KCNH1: variants seen among roughly 807,000 people sequenced by gnomAD.
KCNH1 encodes the protein potassium voltage-gated channel subfamily H member 1, also known as voltage-gated delayed rectifier potassium channel KCNH1.
KCNH1 carries 27 observed loss-of-function variants against 69.2 expected under a neutral mutation model. The observed-to-expected ratio is 0.39, with a 90% CI of 0.29 to 0.54. The LOEUF is 0.54. Ranked by LOEUF, KCNH1 falls within the 20% of genes least tolerant of loss-of-function variation. The pLI is 0.68. For synonymous variants in KCNH1, 456 were observed against 487.7 expected (o/e 0.93, Z 0.86); for missense variants, 798 against 1,261.6 (o/e 0.63, Z 5.57).
chr1:210,795,533 G>C (rs1368833268), intron 9 of KCNH1, among the ~76,000 whole-genome samples: 1 of 152,110 alleles, frequency 6.6e-6, no homozygotes, highest in Non-Finnish European at 1.5e-5. Context: ...GTTAACCTAA[G>C]CCAAATGTAA....
At chr1:211,032,018 T>C in intron 5 of KCNH1, among the ~76,000 whole-genome samples, 1 of 152,208 alleles carries the variant, frequency 6.6e-6, no homozygotes, top group Non-Finnish European at 1.5e-5. Flanking sequence ...AACCTCATCA[T>C]CTCAGCCCAA....
intron 1 of KCNH1, among the ~76,000 whole-genome samples, chr1:211,120,190 A>AT (rs112118539): frequency 0.037 from 5,186 of 141,278 alleles, 145 homozygotes; most frequent in Admixed American, 0.081. Context: ...ATATATATAC[A>AT]TTTTTTTTTT....
At chr1:210,690,247 G>C (rs1398341961) in intron 10 of KCNH1, among the ~76,000 whole-genome samples, 1 of 151,684 alleles carries the variant, frequency 6.6e-6, no homozygotes, top group Non-Finnish European at 1.5e-5. Context: ...GTCTAGAGTT[G>C]GGGTACACAA....
chr1:210,946,585 A>G (rs1243996723), intron 6 of KCNH1, among the ~76,000 whole-genome samples: 2 of 152,158 alleles, frequency 1.3e-5, no homozygotes, highest in Non-Finnish European at 2.9e-5. Context: ...CACATCTCAC[A>G]ATAAACAAGG....
At chr1:210,972,707 G>A (rs963737905) in intron 6 of KCNH1, among the ~76,000 whole-genome samples, 2 of 152,046 alleles carry the variant, frequency 1.3e-5, no homozygotes, top group Admixed American at 1.3e-4. Flanking sequence ...ACTGGAAAAA[G>A]TCTATATCTA....
At chr1:211,100,297 G>A (rs1246533777) in intron 3 of KCNH1, among the ~76,000 whole-genome samples, 1 of 152,150 alleles carries the variant, frequency 6.6e-6, no homozygotes, top group Non-Finnish European at 1.5e-5. Flanking sequence ...TTGGCCGTGT[G>A]ACTGGCCCTT....
chr1:210,721,959 T>C (rs997190942), intron 10 of KCNH1, among the ~76,000 whole-genome samples: 11 of 152,160 alleles, frequency 7.2e-5, no homozygotes, highest in African/African-American at 2.7e-4. Context: ...ACTCAGGGTC[T>C]GCTGAAGATG....
chr1:210,879,977 G>T (rs774735782), intron 7 of KCNH1, among the ~76,000 whole-genome samples: 3 of 152,040 alleles, frequency 2.0e-5, no homozygotes, highest in South Asian at 4.1e-4. Context: ...AATCAGAAGC[G>T]CAGTATCACT....
At chr1:210,900,893 A>G (rs2102535399) in intron 7 of KCNH1, among the ~76,000 whole-genome samples, 1 of 152,310 alleles carries the variant, frequency 6.6e-6, no homozygotes, top group African/African-American at 2.4e-5. Flanking sequence ...GTACCGTGTT[A>G]TAGTCACACA....
intron 10 of KCNH1, among the ~76,000 whole-genome samples, chr1:210,705,652 A>G (rs1484330930): frequency 1.3e-5 from 2 of 152,250 alleles, no homozygotes; most frequent in Non-Finnish European, 2.9e-5. Context: ...GAAAGTGCCC[A>G]GATGATGGAT....
At chr1:211,086,771 T>G (rs983187364) in intron 4 of KCNH1, among the ~76,000 whole-genome samples, 1 of 152,100 alleles carries the variant, frequency 6.6e-6, no homozygotes, top group Non-Finnish European at 1.5e-5. Context: ...CCAACTCCTC[T>G]GAGAATAAGT....
intron 6 of KCNH1, among the ~76,000 whole-genome samples, chr1:211,005,328 A>C (rs1689260603): frequency 6.6e-6 from 1 of 152,172 alleles, no homozygotes; most frequent in Non-Finnish European, 1.5e-5. Flanking sequence ...GAATTCTTCT[A>C]AATATTTAAG....
chr1:210,732,116 T>A (rs1041797630), intron 10 of KCNH1, among the ~76,000 whole-genome samples: 2 of 151,854 alleles, frequency 1.3e-5, no homozygotes, highest in African/African-American at 4.8e-5. Context: ...TAACACTAGC[T>A]GCAACCCCCA....
intron 10 of KCNH1, among the ~76,000 whole-genome samples, chr1:210,763,550 G>A (rs752700453): frequency 6.6e-6 from 1 of 152,016 alleles, no homozygotes; most frequent in Non-Finnish European, 1.5e-5. Context: ...AAAATCAGTA[G>A]CATTTCTATA....
intron 5 of KCNH1, among the ~76,000 whole-genome samples, chr1:211,064,644 T>C (rs1208958822): frequency 6.6e-6 from 1 of 152,094 alleles, no homozygotes; most frequent in African/African-American, 2.4e-5. Flanking sequence ...TATACAATTA[T>C]ATCAAGCTAA....
At chr1:210,768,532 G>A (rs1214445887) in intron 10 of KCNH1, among the ~76,000 whole-genome samples, 7 of 151,908 alleles carry the variant, frequency 4.6e-5, no homozygotes, top group African/African-American at 1.7e-4. Flanking sequence ...TACCACACGT[G>A]AGGCAACATG....
intron 6 of KCNH1, among the ~76,000 whole-genome samples, chr1:210,952,303 A>G (rs937300771): frequency 2.0e-5 from 3 of 152,098 alleles, no homozygotes; most frequent in Non-Finnish European, 4.4e-5. Context: ...AATATACACC[A>G]TATCTTTCCT....
chr1:210,966,847 C>T (rs1392162302), intron 6 of KCNH1, among the ~76,000 whole-genome samples: 1 of 152,084 alleles, frequency 6.6e-6, no homozygotes, highest in African/African-American at 2.4e-5. Flanking sequence ...ACCATTTGAC[C>T]CAGCAATTCC....
At chr1:210,927,306 A>T (rs1327289993) in intron 6 of KCNH1, among the ~76,000 whole-genome samples, 1 of 152,212 alleles carries the variant, frequency 6.6e-6, no homozygotes, top group African/African-American at 2.4e-5. Flanking sequence ...AAGACCTGTG[A>T]GGCAAAAGCA....
Sources: gnomAD v4.1 joint callset for allele counts (sites outside exome capture counted in the v4.1 genomes callset) on GRCh38, gnomAD v4.1.1 for gene constraint, MANE v1.5 for transcripts, NCBI Gene and HGNC (gene_info 2026-07-23, HGNC 2026-07-21) for gene names.